MLIP: variants seen among roughly 807,000 people sequenced by gnomAD.
MLIP encodes muscular LMNA-interacting protein.
In MLIP, 79 loss-of-function variants were observed where a neutral mutation model predicts 84.8. The observed-to-expected ratio is 0.93, with a 90% CI of 0.78 to 1.12. MLIP has a LOEUF of 1.12. Ranked by LOEUF, MLIP falls within the 50% of genes most tolerant of loss-of-function variation. The probability of loss-of-function intolerance (pLI) is 0.00; values close to 1 mark genes in which losing one functional copy is unlikely to be tolerated. For missense variants in MLIP, 1,257 were observed against 1,160.6 expected, an observed-to-expected ratio of 1.08 and a Z score of -1.21; for synonymous variants, 504 against 463.0, an observed-to-expected ratio of 1.09 and a Z score of -1.14.
At chr6:54,160,455 G>A (rs1260699273) in intron 6 of MLIP, 23 bp downstream of exon 6, 1 of 1,611,628 alleles carries the variant, frequency 6.2e-7, no homozygotes, top group Admixed American at 1.7e-5. Context: ...GATTACCCCT[G>A]CTTTTGGTAT....
chr6:54,117,400 G>C (rs1770028393), intron 1 of MLIP, among the ~76,000 whole-genome samples: 1 of 151,044 alleles, frequency 6.6e-6, no homozygotes, highest in South Asian at 2.1e-4. Context: ...ATTTTTAGTA[G>C]AGAAGGGGTT....
intron 5 of MLIP, among the ~76,000 whole-genome samples, chr6:54,157,149 G>A (rs894123407): frequency 6.6e-6 from 1 of 152,106 alleles, no homozygotes; most frequent in African/African-American, 2.4e-5. Flanking sequence ...CTGTTGGAAT[G>A]GTGAGCAAGG....
At chr6:54,203,847 A>G (rs1223446743) in intron 11 of MLIP, 1 of 152,178 alleles carries the variant, frequency 6.6e-6, no homozygotes, top group Non-Finnish European at 1.5e-5. Context: ...CCGCCTCCCA[A>G]AGTGCTGGGA....
intron 1 of MLIP, among the ~76,000 whole-genome samples, chr6:54,080,773 G>A (rs1198374282): frequency 6.7e-6 from 1 of 148,630 alleles, no homozygotes; most frequent in African/African-American, 2.5e-5. Flanking sequence ...TTATATATCT[G>A]TGTCTACATA....
At chr6:54,108,078 G>A (rs75915139), upstream of MLIP, among the ~76,000 whole-genome samples, 121 of 152,180 alleles carry the variant, frequency 8.0e-4, no homozygotes, top group African/African-American at 2.7e-3. Context: ...AGTAATATCC[G>A]TTTAGTAATA....
chr6:54,061,164 C>A (rs115003769), intron 1 of MLIP, among the ~76,000 whole-genome samples: 7 of 152,072 alleles, frequency 4.6e-5, no homozygotes, highest in African/African-American at 1.7e-4. Context: ...CCCATCTGAG[C>A]CATTTTCCTT....
intron 1 of MLIP, among the ~76,000 whole-genome samples, chr6:54,055,227 T>A (rs1561896837): frequency 6.6e-6 from 1 of 152,116 alleles, no homozygotes; most frequent in Non-Finnish European, 1.5e-5. Context: ...TGAGTACACT[T>A]TTTCCTTCTA....
intron 1 of MLIP, among the ~76,000 whole-genome samples, chr6:54,086,870 C>T (rs757206696): frequency 1.3e-5 from 2 of 152,196 alleles, no homozygotes; most frequent in African/African-American, 2.4e-5. Flanking sequence ...GAAGCCTTCT[C>T]TGTCCAACCT....
chr6:54,255,766 T>C (rs1338429178), intron 12 of MLIP, among the ~76,000 whole-genome samples: 1 of 152,202 alleles, frequency 6.6e-6, no homozygotes, highest in Admixed American at 6.5e-5. Flanking sequence ...TTGAATGCTT[T>C]ATTGGGATAT....
intron 12 of MLIP, among the ~76,000 whole-genome samples, chr6:54,252,432 TATATA>T (rs1425342141): frequency 6.1e-5 from 8 of 130,766 alleles, no homozygotes; most frequent in South Asian, 2.2e-4. Flanking sequence ...TAACATATAA[TATATA>T]ATATAACTAT....
At chr6:54,253,904 A>G (rs539750507) in intron 12 of MLIP, among the ~76,000 whole-genome samples, 1 of 152,124 alleles carries the variant, frequency 6.6e-6, no homozygotes, top group African/African-American at 2.4e-5. Flanking sequence ...CTTTGTCTCA[A>G]TTCTCTTGAA....
intron 1 of MLIP, among the ~76,000 whole-genome samples, chr6:54,042,715 CA>C (rs1202283152): frequency 6.6e-6 from 1 of 152,122 alleles, no homozygotes; most frequent in Non-Finnish European, 1.5e-5. Flanking sequence ...CTATCATCAC[CA>C]GGGACAATAT....
At chr6:54,056,986 G>A (rs9474722) in intron 1 of MLIP, among the ~76,000 whole-genome samples, 4,207 of 152,208 alleles carry the variant, frequency 0.028, 186 homozygotes, top group African/African-American at 0.094. Context: ...AAAGAAAATT[G>A]CTTAAAGGCA....
chr6:54,072,565 C>T (rs923825855), intron 1 of MLIP, among the ~76,000 whole-genome samples: 4 of 152,130 alleles, frequency 2.6e-5, no homozygotes, highest in African/African-American at 9.7e-5. Flanking sequence ...AGTTCTGGCT[C>T]CTGTAGAGTC....
Position 54,136,850 on chromosome 6 carries a change from A to C in MLIP, c.781A>C (p.Thr261Pro), listed in dbSNP as rs1471927528. Residue 261 changes from threonine (T) to proline (P), a missense_variant, in exon 4 of 14, where the codon ACT becomes CCT. Physicochemically the swap from Thr to Pro is conservative, Grantham distance 38 (BLOSUM62 -1). Transcript: ENST00000502396. ...AGCCTCTGTCCTAGAGGAGTTCCACACTAGGAGGCTGGATGTCGGTGGGGC... is the reference window on the plus strand; with the variant it reads ...AGCCTCTGTCCTAGAGGAGTTCCACCCTAGGAGGCTGGATGTCGGTGGGGC... ...EGASVLEEFH[T>P]RRLDVGGAVV... is the part of the protein sequence containing the mutation. The C allele has an allele frequency of 6.5e-7, 1 of 1,534,682 alleles. No homozygotes were observed. Among genetic ancestry groups the C allele is most frequent in the Non-Finnish European group, 8.7e-7 (1 of 1,145,980 alleles).
In MLIP at chr6:54,160,628, C is replaced by T. The variant is rs78760786; in HGVS notation, c.2439+29C>T. Reference sequence around the variant, plus strand: ...ATGCTTTAGACTAGAATGTGCAATTCAAACATTTGCTTTGCTTCTCTTCAT... The same window carrying T: ...ATGCTTTAGACTAGAATGTGCAATTTAAACATTTGCTTTGCTTCTCTTCAT... On this transcript the variant is annotated intron_variant, in intron 7 of 13. Coordinates refer to ENST00000502396, the MANE Select transcript of MLIP (RefSeq NM_001281747.2). 626 of 1,576,536 alleles carry T rather than the reference C, an allele frequency of 4.0e-4. 8 individuals are homozygous for T. The East Asian group carries it at 0.013, about 33-fold the overall frequency.
chr6:54,173,216 A>G (rs1359112109), intron 9 of MLIP, among the ~76,000 whole-genome samples: 2 of 151,782 alleles, frequency 1.3e-5, no homozygotes, highest in Non-Finnish European at 2.9e-5. Flanking sequence ...CAGAGCAGGC[A>G]AAACCCAACC....
At chr6:54,224,881 A>G (rs879667347) in intron 11 of MLIP, among the ~76,000 whole-genome samples, 1 of 152,192 alleles carries the variant, frequency 6.6e-6, no homozygotes, top group Non-Finnish European at 1.5e-5. Flanking sequence ...AATAGTCTCC[A>G]GTCTCATCCA....
chr6:54,099,195 T>C (rs940554647), intron 1 of MLIP, among the ~76,000 whole-genome samples: 3 of 152,056 alleles, frequency 2.0e-5, no homozygotes, highest in African/African-American at 7.3e-5. Flanking sequence ...GGAAATATTA[T>C]TATTTAAAAA....
Sources: gnomAD v4.1 joint callset for allele counts (sites outside exome capture counted in the v4.1 genomes callset) on GRCh38, gnomAD v4.1.1 for gene constraint, MANE v1.5 for transcripts, NCBI Gene and HGNC (gene_info 2026-07-23, HGNC 2026-07-21) for gene names.